Variants in HS6ST3 observed in about 807,000 individuals in gnomAD.
The protein encoded by HS6ST3 is heparan sulfate 6-O-sulfotransferase 3, also known as heparan-sulfate 6-O-sulfotransferase 3.
A neutral mutation model predicts 36.7 loss-of-function variants in HS6ST3; 12 were observed. The observed-to-expected ratio is 0.33, with a 90% CI of 0.21 to 0.53. The LOEUF (loss-of-function observed/expected upper bound fraction) is 0.53, where lower values mean the gene tolerates loss of function less well. HS6ST3 is among the 20% of genes least tolerant of loss of function. The pLI is 0.95. For synonymous variants in HS6ST3, 240 were observed against 257.5 expected, an observed-to-expected ratio of 0.93 and a Z score of 0.65; for missense variants, 584 against 640.9, an observed-to-expected ratio of 0.91 and a Z score of 0.96.
Position 96,832,665 on chromosome 13 carries a change from T to C in HS6ST3, c.883T>C (p.Leu295=). 1 of 1,614,078 alleles carries C rather than the reference T, an allele frequency of 6.2e-7. No individual in the cohort carries two copies. The highest frequency in any genetic ancestry group is 2.2e-5 in the East Asian group (1 of 44,860). ...TGGGGATGACTGGTCTGGGGTCAGC[T>C]TGCGGGAGTTTATGGATTGCACCTA... is the stretch of plus-strand genomic sequence containing the variant. ...YPGDDWSGVS[L]REFMDCTYNL... The change falls in exon 2 of 2, where the codon TTG becomes CTG. Residue 295 remains leucine, a synonymous_variant. Coordinates refer to ENST00000376705, the MANE Select transcript of HS6ST3 (RefSeq NM_153456.4).
intron 1 of HS6ST3, among the ~76,000 whole-genome samples, chr13:96,384,194 G>A (rs2055356222): frequency 6.6e-6 from 1 of 152,148 alleles, no homozygotes; most frequent in Non-Finnish European, 1.5e-5. Flanking sequence ...TGGTTAGAGT[G>A]AGGTGTCCTT....
chr13:96,608,033 C>A (rs1324708833), intron 1 of HS6ST3, among the ~76,000 whole-genome samples: 1 of 152,132 alleles, frequency 6.6e-6, no homozygotes, highest in Non-Finnish European at 1.5e-5. Flanking sequence ...AAGTTGCCAA[C>A]TGAATTTGAG....
chr13:96,101,569 G>A (rs1418536205), intron 1 of HS6ST3, among the ~76,000 whole-genome samples: 1 of 151,152 alleles, frequency 6.6e-6, no homozygotes, highest in African/African-American at 2.4e-5. Context: ...GACAAAACTT[G>A]GCACAAGAAC....
chr13:96,514,768 C>A (rs2056065391), intron 1 of HS6ST3, among the ~76,000 whole-genome samples: 1 of 152,148 alleles, frequency 6.6e-6, no homozygotes, highest in Admixed American at 6.5e-5. Context: ...AATCTGGTAA[C>A]CCTGAGTAAG....
intron 1 of HS6ST3, among the ~76,000 whole-genome samples, chr13:96,642,159 T>C (rs2056572463): frequency 6.6e-6 from 1 of 151,852 alleles, no homozygotes; most frequent in African/African-American, 2.4e-5. Context: ...ATAAAGTTTT[T>C]GGTTGCTAGT....
intron 1 of HS6ST3, among the ~76,000 whole-genome samples, chr13:96,131,764 A>T (rs1437403965): frequency 6.7e-6 from 1 of 148,772 alleles, no homozygotes; most frequent in Non-Finnish European, 1.5e-5. Context: ...TTTTAATCAC[A>T]TATCATTTAT....
chr13:96,326,067 A>C (rs1478850934), intron 1 of HS6ST3, among the ~76,000 whole-genome samples: 1 of 152,204 alleles, frequency 6.6e-6, no homozygotes, highest in Non-Finnish European at 1.5e-5. Flanking sequence ...TATAGTCTAA[A>C]GATAGTGGGA....
chr13:96,137,483 G>C lies in HS6ST3; in HGVS notation c.707+45914G>C, dbSNP rs550020881. 9.3e-5 allele frequency among the ~76,000 whole-genome samples: 14 copies of C among 150,380 alleles called. 1 individual carries two copies. The highest frequency in any genetic ancestry group is 2.9e-4 in the African/African-American group (12 of 40,878). Reference sequence around the variant, plus strand: ...GAGTCTCGCTCTGTCACCCAGGCTGGAGTACAGTGGTGCGATCTTAGCTCA... The same window carrying C: ...GAGTCTCGCTCTGTCACCCAGGCTGCAGTACAGTGGTGCGATCTTAGCTCA... On this transcript the variant is annotated intron_variant, in intron 1 of 1. Transcript: ENST00000376705.
chr13:96,728,202 A>G (rs1282794691), intron 1 of HS6ST3, among the ~76,000 whole-genome samples: 2 of 152,202 alleles, frequency 1.3e-5, no homozygotes, highest in Non-Finnish European at 2.9e-5. Flanking sequence ...ATAAATAAGT[A>G]AAGTACACTT....
At chr13:96,494,420 A>T (rs922698067) in intron 1 of HS6ST3, among the ~76,000 whole-genome samples, 1 of 150,982 alleles carries the variant, frequency 6.6e-6, no homozygotes, top group South Asian at 2.1e-4. Context: ...GAGGGATAGC[A>T]TTAGGAGATA....
At position 96,832,569 on chromosome 13, in the gene HS6ST3, A is replaced by G; in HGVS notation, c.787A>G (p.Thr263Ala). 2 of 1,613,772 alleles carry G rather than the reference A, an allele frequency of 1.2e-6. No individual in the cohort carries two copies. Among genetic ancestry groups the G allele is most frequent in the Non-Finnish European group, 1.7e-6 (2 of 1,179,844 alleles). ...GTGGAAACATGTCCAGAGAGGGGCC[A>G]CTTGGAAAACCTCTCTTCATATGTG... is the stretch of plus-strand genomic sequence containing the variant. ...SEWKHVQRGATWKTSLHMCDG... is the reference protein window; with the variant it reads ...SEWKHVQRGAAWKTSLHMCDG... The change falls in exon 2 of 2, where the codon ACT becomes GCT. Residue 263 changes from threonine to alanine, a missense_variant. Thr to Ala is a moderately conservative substitution (Grantham distance 58). Around this residue, in one of 3 missense-constraint regions of HS6ST3, gnomAD observed 360 missense variants for 411.3 expected, o/e 0.88. Transcript: ENST00000376705.
chr13:96,251,037 T>G (rs2054605423), intron 1 of HS6ST3, among the ~76,000 whole-genome samples: 1 of 152,222 alleles, frequency 6.6e-6, no homozygotes, highest in South Asian at 2.1e-4. Flanking sequence ...TAAAAGATAC[T>G]GACCTGTAAT....
In HS6ST3 at chr13:96,454,292, G is replaced by A. The variant is rs144074660; in HGVS notation, c.707+362723G>A. ...GTCTGTGCTGATGCGGACCAGCCAT[G>A]GGGGAGTAGGATTTGAGACCTTTGC... On this transcript the variant is annotated intron_variant, in intron 1 of 1. Transcript: ENST00000376705. Among the ~76,000 whole-genome samples the A allele has an allele frequency of 7.2e-5, 11 of 152,270 alleles. No homozygotes were observed. The East Asian group carries it at 1.9e-3, about 27-fold the overall frequency.
At chr13:96,686,290 G>A (rs557482246) in intron 1 of HS6ST3, among the ~76,000 whole-genome samples, 4 of 152,102 alleles carry the variant, frequency 2.6e-5, no homozygotes, top group African/African-American at 9.6e-5. Flanking sequence ...TTGATGTGGA[G>A]ACCAGATTGT....
intron 1 of HS6ST3, among the ~76,000 whole-genome samples, chr13:96,261,119 AT>A (rs1277260210): frequency 1.3e-5 from 2 of 152,108 alleles, no homozygotes; most frequent in African/African-American, 4.8e-5. Flanking sequence ...ATTTTAAAAA[AT>A]GTCTTTGAAT....
intron 1 of HS6ST3, among the ~76,000 whole-genome samples, chr13:96,695,790 G>T (rs1328636257): frequency 1.3e-5 from 2 of 151,984 alleles, no homozygotes; most frequent in Non-Finnish European, 2.9e-5. Context: ...GTATAAAAAT[G>T]TTGAGAAGTA....
chr13:96,285,452 G>A (rs1411154540), intron 1 of HS6ST3, among the ~76,000 whole-genome samples: 1 of 152,170 alleles, frequency 6.6e-6, no homozygotes, highest in East Asian at 1.9e-4. Flanking sequence ...TGAGAGGATG[G>A]AAAATATGGT....
intron 1 of HS6ST3, among the ~76,000 whole-genome samples, chr13:96,261,950 G>C (rs2054668560): frequency 6.6e-6 from 1 of 152,196 alleles, no homozygotes; most frequent in African/African-American, 2.4e-5. Context: ...AAGGAACTGA[G>C]AGAAGGATCA....
intron 1 of HS6ST3, among the ~76,000 whole-genome samples, chr13:96,148,349 A>G (rs1052732840): frequency 6.6e-6 from 1 of 152,218 alleles, no homozygotes; most frequent in Non-Finnish European, 1.5e-5. Flanking sequence ...AATATATCTC[A>G]CAGTCAATTA....
Sources: allele counts gnomAD v4.1 joint callset (sites outside exome capture counted in the v4.1 genomes callset), GRCh38; gene constraint gnomAD v4.1.1; regional missense constraint gnomAD v4.1.1; transcripts MANE v1.5; gene names NCBI Gene and HGNC (gene_info 2026-07-23, HGNC 2026-07-21).